The following SPAG1 variants were observed in gnomAD, a reference collection of about 807,000 sequenced individuals.
SPAG1 encodes sperm-associated antigen 1.
SPAG1 carries 69 observed loss-of-function variants against 100.5 expected under a neutral mutation model. The ratio of observed to expected loss-of-function variants is 0.69; its 90% confidence interval spans 0.57 to 0.84. SPAG1 has a LOEUF of 0.84. Among genes scored for constraint, SPAG1 ranks in the 40% least tolerant of loss-of-function variants. The pLI is 0.00. For missense variants in SPAG1, 955 were observed against 1,133.1 expected, an observed-to-expected ratio of 0.84 and a Z score of 2.26; for synonymous variants, 336 against 411.6, an observed-to-expected ratio of 0.82 and a Z score of 2.22.
chr8:100,233,596 C>G, intron 16 of SPAG1, 59 bp downstream of exon 16: 3 of 1,501,266 alleles, frequency 2.0e-6, no homozygotes, highest in Non-Finnish European at 2.7e-6. Context: ...AAGTGGTTTT[C>G]ACAAGCATAA....
intron 16 of SPAG1, among the ~76,000 whole-genome samples, chr8:100,236,626 T>A (rs1253150596): frequency 1.3e-5 from 2 of 152,222 alleles, no homozygotes; most frequent in Non-Finnish European, 2.9e-5. Flanking sequence ...GTTTTCTGAC[T>A]TTGTTATTTT....
intron 10 of SPAG1, among the ~76,000 whole-genome samples, chr8:100,201,513 T>C (rs549220435): frequency 6.6e-6 from 1 of 152,284 alleles, no homozygotes; most frequent in Admixed American, 6.5e-5. Context: ...TTATATACAG[T>C]GTGAGGTAAA....
chr8:100,217,440 G>A (rs1180655354), intron 12 of SPAG1, among the ~76,000 whole-genome samples: 1 of 152,060 alleles, frequency 6.6e-6, no homozygotes, highest in East Asian at 1.9e-4. Context: ...TTGGAGAGTG[G>A]CCATTTGGAG....
intron 16 of SPAG1, among the ~76,000 whole-genome samples, chr8:100,237,255 A>G (rs1301408244): frequency 6.6e-6 from 1 of 152,010 alleles, no homozygotes; most frequent in African/African-American, 2.4e-5. Context: ...TAATTTTTGT[A>G]TGTTTAGTAG....
At chr8:100,170,878 G>T (rs1815797738) in intron 3 of SPAG1, among the ~76,000 whole-genome samples, 1 of 151,160 alleles carries the variant, frequency 6.6e-6, no homozygotes, top group Non-Finnish European at 1.5e-5. Context: ...GAACTGGCTA[G>T]AACCTCCAGT....
intron 7 of SPAG1, among the ~76,000 whole-genome samples, chr8:100,186,531 C>T (rs752202623): frequency 2.6e-5 from 4 of 152,012 alleles, no homozygotes; most frequent in Non-Finnish European, 5.9e-5. Flanking sequence ...CATAATGCCT[C>T]TAAAGCCTGA....
At chr8:100,161,455 T>C (rs1173317774) in intron 1 of SPAG1, among the ~76,000 whole-genome samples, 4 of 152,042 alleles carry the variant, frequency 2.6e-5, no homozygotes, top group Non-Finnish European at 4.4e-5. Context: ...GACTGAGTGG[T>C]TAAGTTAAAT....
chr8:100,191,928 G>A (rs1375834676), intron 9 of SPAG1, among the ~76,000 whole-genome samples: 3 of 152,062 alleles, frequency 2.0e-5, no homozygotes, highest in Non-Finnish European at 4.4e-5. Context: ...CTGTATTCAC[G>A]CCTAAAGAGT....
chr8:100,225,382 G>A (rs371257237), intron 14 of SPAG1, 43 bp downstream of exon 14: 84 of 1,581,272 alleles, frequency 5.3e-5, no homozygotes, highest in Middle Eastern at 2.1e-4. Context: ...GTTACCTTGA[G>A]TTGTGTGTGT....
chr8:100,215,436 A>G (rs1817936157), intron 12 of SPAG1, among the ~76,000 whole-genome samples: 2 of 152,116 alleles, frequency 1.3e-5, no homozygotes, highest in South Asian at 4.1e-4. Flanking sequence ...CTCATATAAC[A>G]CTCTCAGAAA....
chr8:100,180,272 A>C (rs530969586), intron 4 of SPAG1, among the ~76,000 whole-genome samples: 17 of 152,320 alleles, frequency 1.1e-4, no homozygotes, highest in African/African-American at 3.6e-4. Context: ...CTAGTGGTCA[A>C]GGCTGCAGTG....
At chr8:100,210,299 T>G (rs1384903559) in intron 10 of SPAG1, among the ~76,000 whole-genome samples, 1 of 152,136 alleles carries the variant, frequency 6.6e-6, no homozygotes, top group African/African-American at 2.4e-5. Context: ...TAATGAGGTG[T>G]GTTGGCATTG....
intron 13 of SPAG1, among the ~76,000 whole-genome samples, chr8:100,223,409 T>C (rs982650366): frequency 2.0e-5 from 3 of 152,176 alleles, no homozygotes; most frequent in African/African-American, 4.8e-5. Flanking sequence ...TTTTTTTTAA[T>C]TGAATGGTTC....
intron 17 of SPAG1, among the ~76,000 whole-genome samples, chr8:100,240,003 A>G (rs1034170937): frequency 2.0e-5 from 3 of 152,250 alleles, no homozygotes; most frequent in African/African-American, 7.2e-5. Flanking sequence ...TAAGAGGCTA[A>G]TATGTAAGAG....
chr8:100,228,978 G>A (rs899871976), intron 14 of SPAG1, among the ~76,000 whole-genome samples: 1 of 152,306 alleles, frequency 6.6e-6, no homozygotes, highest in Admixed American at 6.5e-5. Context: ...GGCCCAGACA[G>A]GCTGTAAATC....
At chr8:100,191,300 T>A in intron 8 of SPAG1, 90 bp from the exon 9 acceptor site, 1 of 799,428 alleles carries the variant, frequency 1.3e-6, no homozygotes, top group South Asian at 1.6e-5. Flanking sequence ...TAAAGTATTC[T>A]GTGCTGCTCA....
intron 12 of SPAG1, among the ~76,000 whole-genome samples, chr8:100,217,791 C>CT (rs537598638): frequency 1.2e-4 from 18 of 150,880 alleles, no homozygotes; most frequent in Middle Eastern, 3.4e-3. Flanking sequence ...CTTTTCTTTT[C>CT]TTTTTTTTTG....
intron 14 of SPAG1, 27 bp downstream of exon 14, chr8:100,225,366 C>T (rs1278651275): frequency 6.2e-7 from 1 of 1,607,510 alleles, no homozygotes; most frequent in Non-Finnish European, 8.5e-7. Flanking sequence ...CTCATTTCTT[C>T]TCAAGGTTAC....
In SPAG1 at chr8:100,240,453, G is replaced by A. The variant is rs150966245; in HGVS notation, c.2331G>A (p.Met777Ile). 859 of 1,613,672 alleles carry A rather than the reference G, an allele frequency of 5.3e-4. No homozygotes were observed. The African/African-American group carries it at 6.8e-3, about 13-fold the overall frequency. ...EPGRPAGEVSMGCLASEKGGK... is the reference protein window; with the variant it reads ...EPGRPAGEVSIGCLASEKGGK... ...GAAGACCTGCAGGGGAGGTCTCCAT[G>A]GGATGCCTTGCTTCTGAGAAGGGAG... Residue 777 changes from methionine (M) to isoleucine (I), a missense_variant, in exon 18 of 19, where the codon ATG becomes ATA. Coordinates refer to ENST00000388798, the MANE Select transcript of SPAG1 (RefSeq NM_003114.5).
Sources: allele counts gnomAD v4.1 joint callset (sites outside exome capture counted in the v4.1 genomes callset), GRCh38; gene constraint gnomAD v4.1.1; transcripts MANE v1.5; gene names NCBI Gene and HGNC (gene_info 2026-07-23, HGNC 2026-07-21).